The following PLCH1 variants were observed in gnomAD, a reference collection of about 807,000 sequenced individuals.
PLCH1 encodes the protein phospholipase C eta 1.
PLCH1 carries 60 observed loss-of-function variants against 126.7 expected under a neutral mutation model. That is an observed-to-expected ratio of 0.47 (90% CI 0.38 to 0.59). PLCH1 has a LOEUF of 0.59. PLCH1 is among the 20% of genes least tolerant of loss of function. The probability of loss-of-function intolerance (pLI) is 0.00; values close to 1 mark genes in which losing one functional copy is unlikely to be tolerated. For missense variants in PLCH1, 1,723 were observed against 2,040.0 expected, an observed-to-expected ratio of 0.84 and a Z score of 2.99; for synonymous variants, 719 against 734.9, an observed-to-expected ratio of 0.98 and a Z score of 0.35.
At chr3:155,680,226 T>C (rs1213932295) in intron 2 of PLCH1, among the ~76,000 whole-genome samples, 1 of 151,874 alleles carries the variant, frequency 6.6e-6, no homozygotes, top group Non-Finnish European at 1.5e-5. Flanking sequence ...CTACTAAAAA[T>C]ACAAAAATTA....
intron 15 of PLCH1, 27 bp from the exon 16 acceptor site, chr3:155,494,544 G>C (rs781354853): frequency 1.9e-6 from 3 of 1,585,742 alleles, no homozygotes; most frequent in Non-Finnish European, 2.6e-6. Context: ...GAGAAAAAAG[G>C]AAGTGAGAAC....
intron 2 of PLCH1, among the ~76,000 whole-genome samples, chr3:155,627,353 A>G (rs1559864543): frequency 6.6e-6 from 1 of 152,230 alleles, no homozygotes; most frequent in South Asian, 2.1e-4. Flanking sequence ...GAAGTAGGCC[A>G]GGTGTGGTGG....
intron 7 of PLCH1, among the ~76,000 whole-genome samples, chr3:155,565,362 G>A (rs1217042300): frequency 1.3e-5 from 2 of 152,076 alleles, no homozygotes; most frequent in East Asian, 3.9e-4. Context: ...GGCCCTGGTG[G>A]GAGGTGTATG....
chr3:155,695,651 T>C (rs1483269141), intron 2 of PLCH1, among the ~76,000 whole-genome samples: 1 of 152,200 alleles, frequency 6.6e-6, no homozygotes, highest in African/African-American at 2.4e-5. Context: ...GAGACAGAAA[T>C]GAAAGTAGTA....
intron 4 of PLCH1, among the ~76,000 whole-genome samples, chr3:155,592,516 G>A (rs1354706352): frequency 6.7e-6 from 1 of 149,770 alleles, no homozygotes; most frequent in Non-Finnish European, 1.5e-5. Flanking sequence ...AAAAAATTGT[G>A]AGAAGAAACT....
At chr3:155,628,809 C>T (rs1455207905) in intron 2 of PLCH1, among the ~76,000 whole-genome samples, 1 of 152,104 alleles carries the variant, frequency 6.6e-6, no homozygotes, top group African/African-American at 2.4e-5. Context: ...CACCTTAAAA[C>T]CTTGTTGAGG....
chr3:155,494,039 G>T, intron 17 of PLCH1, 102 bp downstream of exon 17: 1 of 856,766 alleles, frequency 1.2e-6, no homozygotes, highest in African/African-American at 1.7e-5. Context: ...AAAAACTCTG[G>T]GGTATCACAC....
chr3:155,639,361 T>G (rs1023289437), intron 2 of PLCH1, among the ~76,000 whole-genome samples: 6 of 152,054 alleles, frequency 3.9e-5, no homozygotes, highest in African/African-American at 1.4e-4. Context: ...CAGAGGAGGC[T>G]TAGGCAGGAG....
chr3:155,477,976 G>A (rs187436387), downstream of PLCH1, among the ~76,000 whole-genome samples: 4 of 152,104 alleles, frequency 2.6e-5, no homozygotes, highest in African/African-American at 9.7e-5. Context: ...GCTTACCTTA[G>A]CTAAGATTTG....
intron 2 of PLCH1, among the ~76,000 whole-genome samples, chr3:155,600,124 T>G (rs1319127353): frequency 1.3e-5 from 2 of 152,164 alleles, no homozygotes; most frequent in African/African-American, 4.8e-5. Context: ...TCTAACTTAC[T>G]TTTCCCTTTC....
chr3:155,504,895 G>T (rs1392304592), intron 12 of PLCH1, among the ~76,000 whole-genome samples: 1 of 152,176 alleles, frequency 6.6e-6, no homozygotes, highest in African/African-American at 2.4e-5. Context: ...GAGGTCAAGG[G>T]CTCTCAGCAG....
intron 2 of PLCH1, among the ~76,000 whole-genome samples, chr3:155,630,841 A>C (rs1379095859): frequency 6.6e-6 from 1 of 152,230 alleles, no homozygotes; most frequent in Non-Finnish European, 1.5e-5. Flanking sequence ...ACAGTTTTTA[A>C]AAACTTCTTA....
At chr3:155,503,079 T>C (rs1285635021) in intron 13 of PLCH1, among the ~76,000 whole-genome samples, 7 of 152,228 alleles carry the variant, frequency 4.6e-5, no homozygotes, top group Admixed American at 4.6e-4. Context: ...ACATCTTTTT[T>C]CACTATTTTA....
chr3:155,504,356 G>A (rs1423173650), intron 13 of PLCH1, among the ~76,000 whole-genome samples, 199 bp downstream of exon 13: 3 of 152,082 alleles, frequency 2.0e-5, no homozygotes, highest in African/African-American at 7.2e-5. Context: ...TTCTTTCCCA[G>A]TATGCAACTT....
chr3:155,675,912 TAACTA>T lies in PLCH1; in HGVS notation c.79+28229_79+28233del, dbSNP rs542605258. On this transcript the variant is annotated intron_variant, in intron 2 of 22. Transcript: ENST00000460012. ...GAAGAATTCAAATAAATATTTAACTTAACTAAACATGAAATAAAATAAATGTTTAC... is the reference window on the plus strand; with the variant it reads ...GAAGAATTCAAATAAATATTTAACTTAACATGAAATAAAATAAATGTTTAC... 1.9e-4 allele frequency: 141 copies of T among 733,554 alleles called. 2 individuals carry two copies. In the African/African-American group the frequency reaches 2.0e-3, roughly 10 times the overall value. The allele number at this position is 733,554 out of a possible 1,614,324, so 45.4% of individuals were successfully genotyped here.
At chr3:155,674,485 C>T (rs1159330388) in intron 2 of PLCH1, among the ~76,000 whole-genome samples, 1 of 152,084 alleles carries the variant, frequency 6.6e-6, no homozygotes, top group Non-Finnish European at 1.5e-5. Context: ...CAAGATGTTC[C>T]TTTTAAAATT....
chr3:155,677,980 C>T (rs1391503973), intron 2 of PLCH1, among the ~76,000 whole-genome samples: 1 of 152,120 alleles, frequency 6.6e-6, no homozygotes, highest in African/African-American at 2.4e-5. Flanking sequence ...TGCCCAGAAC[C>T]AAACATGCCC....
chr3:155,470,062 C>G (rs1003426506), intron 21 of PLCH1, among the ~76,000 whole-genome samples: 3 of 152,178 alleles, frequency 2.0e-5, no homozygotes, highest in African/African-American at 4.8e-5. Flanking sequence ...AGCAACGGAA[C>G]AAAGCTGGAT....
chr3:155,484,207 A>G (rs1439222106), intron 22 of PLCH1, among the ~76,000 whole-genome samples: 1 of 152,182 alleles, frequency 6.6e-6, no homozygotes, highest in Non-Finnish European at 1.5e-5. Context: ...CATTACCTCA[A>G]AATTGCTTTC....
Sources: gnomAD v4.1 joint callset for allele counts (sites outside exome capture counted in the v4.1 genomes callset) on GRCh38, gnomAD v4.1.1 for gene constraint, MANE v1.5 for transcripts, NCBI Gene and HGNC (gene_info 2026-07-23, HGNC 2026-07-21) for gene names.